MRS2: variants seen among roughly 807,000 people sequenced by gnomAD.
The protein encoded by MRS2 is magnesium transporter MRS2 homolog, mitochondrial.
Under a neutral mutation model 52.6 loss-of-function variants are expected in MRS2, and 40 were observed. The observed-to-expected ratio is 0.76, with a 90% CI of 0.59 to 0.99. The LOEUF is 0.99. Ranked by LOEUF, MRS2 falls within the 50% of genes least tolerant of loss-of-function variation. The probability of loss-of-function intolerance (pLI) is 0.00; values close to 1 mark genes in which losing one functional copy is unlikely to be tolerated. For missense variants in MRS2, 472 were observed against 532.7 expected, an observed-to-expected ratio of 0.89 and a Z score of 1.12; for synonymous variants, 193 against 195.9, an observed-to-expected ratio of 0.98 and a Z score of 0.13.
intron 2 of MRS2, among the ~76,000 whole-genome samples, chr6:24,407,827 GGGCTTC>G (rs1761526861): frequency 1.3e-5 from 2 of 152,092 alleles, no homozygotes; most frequent in African/African-American, 4.8e-5. Flanking sequence ...AGCCATCCAG[GGGCTTC>G]TCTGGTCCTC....
At chr6:24,423,185 C>T in intron 10 of MRS2, 135 bp downstream of exon 10, 2 of 658,662 alleles carry the variant, frequency 3.0e-6, no homozygotes, top group South Asian at 2.0e-5. Context: ...CTTCAGTTTC[C>T]CTATCTGTCA....
intron 5 of MRS2, 59 bp downstream of exon 5, chr6:24,412,454 G>A: frequency 7.4e-7 from 1 of 1,354,908 alleles, no homozygotes. Flanking sequence ...GTCATTGAGT[G>A]GGAAGACAAG....
At chr6:24,411,072 TCCAGCTA>T (rs1212905697) in intron 4 of MRS2, among the ~76,000 whole-genome samples, 1 of 150,626 alleles carries the variant, frequency 6.6e-6, no homozygotes, top group Non-Finnish European at 1.5e-5. Flanking sequence ...TGCCTGTAAT[TCCAGCTA>T]CTCAGGAGGC....
Position 24,403,120 on chromosome 6 carries a change from TG to T in MRS2, c.76del (p.Ala26ProfsTer4). ...CTTCCCCGGCGGACGCTGTGTGCCC[TG>T]GCCTTGGACGTGACCTCTGTGGGTC... is the stretch of plus-strand genomic sequence containing the variant. The part of the protein sequence containing the change: ...MRLPRRTLCA[L>X]ALDVTSVGPP... On this transcript the variant is annotated frameshift_variant, in exon 1 of 11. Transcript: ENST00000378386. LOFTEE classifies it high-confidence loss of function. 1 of 1,612,286 alleles carries T rather than the reference TG, an allele frequency of 6.2e-7. No homozygotes were observed. The highest frequency in any genetic ancestry group is 8.5e-7 in the Non-Finnish European group (1 of 1,179,864).
chr6:24,403,074 C>T lies in MRS2; in HGVS notation c.28C>T (p.Leu10Phe), dbSNP rs1761334461. The T allele has an allele frequency of 2.5e-6, 4 of 1,611,438 alleles. No individual in the cohort carries two copies. The highest frequency in any genetic ancestry group is 2.2e-5 in the East Asian group (1 of 44,806). The stretch of plus-strand genomic sequence containing the variant: ...GGAATGCCTGCGCAGTTTACCCTGC[C>T]TCCTGCCCCGCGCGATGAGACTTCC... MECLRSLPCLLPRAMRLPRR... is the reference protein window; with the variant it reads MECLRSLPCFLPRAMRLPRR... Residue 10 changes from leucine to phenylalanine, a missense_variant, in exon 1 of 11, where the codon CTC becomes TTC. Leu to Phe is a conservative substitution (Grantham distance 22). Transcript: ENST00000378386.
intron 9 of MRS2, among the ~76,000 whole-genome samples, chr6:24,421,443 T>G (rs1762037471): frequency 6.6e-6 from 1 of 152,260 alleles, no homozygotes; most frequent in African/African-American, 2.4e-5. Context: ...ATGTCAAATG[T>G]CTTTATTTCG....
At chr6:24,410,775 G>A (rs1179429493) in intron 4 of MRS2, 2 of 1,528,104 alleles carry the variant, frequency 1.3e-6, no homozygotes, top group African/African-American at 2.7e-5. Flanking sequence ...TCAAAACAGT[G>A]TCTCTTTCAT....
chr6:24,418,212 GTAT>G lies in MRS2; in HGVS notation c.970_972del (p.Ile324del). Reference sequence around the variant, plus strand: ...AGGGTGCTGATTGATGATTCACAAAGTATTATTTTCATTAATCTGGACAGGTAA... The same window carrying G: ...AGGGTGCTGATTGATGATTCACAAAGTATTTTCATTAATCTGGACAGGTAA... On this transcript the variant is annotated inframe_deletion, in exon 8 of 11. Coordinates refer to ENST00000378386, the MANE Select transcript of MRS2 (RefSeq NM_020662.4). 1 of 1,611,114 alleles carries G rather than the reference GTAT, an allele frequency of 6.2e-7. No homozygotes were observed. Among genetic ancestry groups the G allele is most frequent in the Non-Finnish European group, 8.5e-7 (1 of 1,178,960 alleles).
intron 7 of MRS2, among the ~76,000 whole-genome samples, chr6:24,417,171 A>G (rs1761880993): frequency 6.6e-6 from 1 of 152,168 alleles, no homozygotes; most frequent in African/African-American, 2.4e-5. Flanking sequence ...GCTATATAAC[A>G]TTTGGTAGAT....
intron 4 of MRS2, among the ~76,000 whole-genome samples, chr6:24,411,768 A>C (rs527769117): frequency 1.3e-4 from 19 of 151,618 alleles, no homozygotes; most frequent in Non-Finnish European, 2.5e-4. Flanking sequence ...CGATCTCTTG[A>C]CCTCATGATC....
intron 5 of MRS2, among the ~76,000 whole-genome samples, chr6:24,413,497 G>C (rs1298148057): frequency 1.3e-5 from 2 of 152,176 alleles, no homozygotes; most frequent in African/African-American, 4.8e-5. Flanking sequence ...CATACCATGA[G>C]TAGATATGCC....
intron 4 of MRS2, among the ~76,000 whole-genome samples, chr6:24,411,926 GAAT>G (rs1561809079): frequency 7.0e-6 from 1 of 142,806 alleles, no homozygotes; most frequent in Admixed American, 7.1e-5. Flanking sequence ...TAATTTATGT[GAAT>G]AATTCCAGTT....
rs1253097080 is a variant in MRS2 at position 24,418,168 on chromosome 6, C to A, written c.921C>A (p.Ser307=). The stretch of plus-strand genomic sequence containing the variant: ...ACTACCGATTGGCTGACGATCTCTC[C>A]AATGCAGCTCGTGAGCTTAGGGTGC... The part of the protein sequence containing the change: ...ENYYRLADDL[S]NAARELRVLI... Residue 307 remains serine, a synonymous_variant, in exon 8 of 11, where the codon TCC becomes TCA. Transcript: ENST00000378386. 3.1e-6 allele frequency: 5 copies of A among 1,613,508 alleles called. No individual in the cohort carries two copies. In the South Asian group the frequency reaches 5.5e-5, roughly 18 times the overall value.
chr6:24,418,251 T>C lies in MRS2; in HGVS notation c.989+15T>C. 1.9e-6 allele frequency: 3 copies of C among 1,552,116 alleles called. No individual in the cohort carries two copies. Among genetic ancestry groups the C allele is most frequent in the South Asian group, 1.2e-5 (1 of 80,330 alleles). On this transcript the variant is annotated intron_variant, in intron 8 of 10. Coordinates refer to ENST00000378386, the MANE Select transcript of MRS2 (RefSeq NM_020662.4). ...AATCTGGACAGGTAAGAAAGCATTA[T>C]ATAAAACTAAGTTTTTTTAATAAAA...
Position 24,412,203 on chromosome 6 carries a change from GT to G in MRS2, c.415-6del, listed in dbSNP as rs76582568. On this transcript the variant is annotated intron_variant, in intron 4 of 10. Transcript: ENST00000378386. ...TACACTCACATATTTATATGTTTTGGTTTTTTTTTTTTTAACAGTATTTGAA... is the reference window on the plus strand; with the variant it reads ...TACACTCACATATTTATATGTTTTGGTTTTTTTTTTTTAACAGTATTTGAA... The G allele has an allele frequency of 0.022, 25,594 of 1,170,858 alleles. No individual in the cohort carries two copies. Among genetic ancestry groups the G allele is most frequent in the Non-Finnish European group, 0.024 (20,465 of 856,806 alleles). The allele number at this position is 1,170,858 out of a possible 1,614,324, so 72.5% of individuals were successfully genotyped here. A position where few individuals can be genotyped will look rare whatever the true frequency, so the allele number is the denominator to read the frequency against.
chr6:24,403,323 T>G, intron 1 of MRS2, 87 bp downstream of exon 1: 1 of 1,313,590 alleles, frequency 7.6e-7, no homozygotes, highest in Non-Finnish European at 1.0e-6. Context: ...GCGGCGCGCC[T>G]GTTGCTCCGC....
intron 4 of MRS2, among the ~76,000 whole-genome samples, chr6:24,411,467 A>T (rs1018371864): frequency 2.0e-5 from 3 of 152,266 alleles, no homozygotes; most frequent in African/African-American, 7.2e-5. Context: ...TGATTAAACT[A>T]AATCTTTTCT....
In MRS2 at chr6:24,424,763, GTAA is replaced by G. The variant is rs1224576573; in HGVS notation, c.*1076_*1078del. ...AGTGTCCAGCTCTTGCACTACAAATGTAATAATAACAGAATAAATACACTTACC... is the reference window on the plus strand; with the variant it reads ...AGTGTCCAGCTCTTGCACTACAAATGTAATAACAGAATAAATACACTTACC... On this transcript the variant is annotated 3_prime_UTR_variant, in exon 11 of 11. Transcript: ENST00000378386. 3.9e-5 allele frequency: 6 copies of G among 152,186 alleles called. No homozygotes were observed. Among genetic ancestry groups the G allele is most frequent in the Non-Finnish European group, 7.3e-5 (5 of 68,038 alleles). 9.4% of individuals were successfully genotyped at this position (152,186 alleles called of 1,614,324 possible). A position where few individuals can be genotyped will look rare whatever the true frequency, so the allele number is the denominator to read the frequency against.
In MRS2 at chr6:24,424,801, T is replaced by C. The variant is rs1194416576; in HGVS notation, c.*1107T>C. The C allele has an allele frequency of 6.6e-6, 1 of 152,170 alleles. No homozygotes were observed. Among genetic ancestry groups the C allele is most frequent in the East Asian group, 1.9e-4 (1 of 5,198 alleles). 9.4% of individuals were successfully genotyped at this position (152,170 alleles called of 1,614,324 possible). ...AATAAATACACTTACCCTGATGATA[T>C]TGAGGGTACATGATTAGCCTAATGT... On this transcript the variant is annotated 3_prime_UTR_variant, in exon 11 of 11. Coordinates refer to ENST00000378386, the MANE Select transcript of MRS2 (RefSeq NM_020662.4).
Sources: gnomAD v4.1 joint callset for allele counts (sites outside exome capture counted in the v4.1 genomes callset) on GRCh38, gnomAD v4.1.1 for gene constraint, MANE v1.5 for transcripts, NCBI Gene and HGNC (gene_info 2026-07-23, HGNC 2026-07-21) for gene names.